Variants in AMBRA1 observed in about 807,000 individuals in gnomAD.
AMBRA1 encodes autophagy and beclin 1 regulator 1.
AMBRA1 carries 47 observed loss-of-function variants against 125.4 expected under a neutral mutation model. The observed-to-expected ratio is 0.37, with a 90% CI of 0.30 to 0.48. AMBRA1 has a LOEUF of 0.48. AMBRA1 is among the 20% of genes least tolerant of loss of function. AMBRA1 has a pLI of 0.99. For synonymous variants in AMBRA1, 626 were observed against 655.5 expected, an observed-to-expected ratio of 0.95 and a Z score of 0.69; for missense variants, 1,331 against 1,693.4, an observed-to-expected ratio of 0.79 and a Z score of 3.76.
At chr11:46,545,461 CAAA>C in intron 5 of AMBRA1, 140 bp downstream of exon 5, 1 of 835,364 alleles carries the variant, frequency 1.2e-6, no homozygotes, top group Non-Finnish European at 1.7e-6. Context: ...CACCCTGTCT[CAAA>C]AAAAAAATAG....
Position 46,545,601 on chromosome 11 carries a change from C to T in AMBRA1, c.551+3G>A. ...GACAATGCAGATGGGGCAGCGCACT[C>T]ACCGGACCCGTTCCATCTCACTAGC... On this transcript the variant is annotated splice_donor_region_variant and intron_variant, in intron 5 of 17. Transcript: ENST00000683756. 1 of 1,613,490 alleles carries T rather than the reference C, an allele frequency of 6.2e-7. No homozygotes were observed. The highest frequency in any genetic ancestry group is 8.5e-7 in the Non-Finnish European group (1 of 1,179,790).
chr11:46,465,554 G>A, intron 11 of AMBRA1, among the ~76,000 whole-genome samples: 1 of 152,096 alleles, frequency 6.6e-6, no homozygotes. Context: ...TAACTTTGGG[G>A]CTCAACAGGC....
intron 9 of AMBRA1, chr11:46,494,472 T>A (rs1388018049): frequency 5.7e-6 from 2 of 353,214 alleles, no homozygotes; most frequent in African/African-American, 4.0e-5. Context: ...CGTCTCAAAC[T>A]GAAGCCACAT....
intron 11 of AMBRA1, among the ~76,000 whole-genome samples, chr11:46,477,372 C>T (rs571534603): frequency 4.1e-4 from 62 of 150,342 alleles, no homozygotes; most frequent in Non-Finnish European, 7.1e-4. Context: ...GACTGGAGTG[C>T]AGTGATGTGA....
intron 1 of AMBRA1, among the ~76,000 whole-genome samples, chr11:46,585,696 ATATATATAT>A (rs1409697217): frequency 1.6e-3 from 25 of 16,098 alleles, no homozygotes; most frequent in Non-Finnish European, 2.3e-3. Context: ...AAAAAAAAAA[ATATATATAT>A]ATATATATAT....
At chr11:46,571,726 T>C (rs1005494716) in intron 1 of AMBRA1, among the ~76,000 whole-genome samples, 1 of 174 alleles carries the variant, frequency 5.7e-3, no homozygotes, top group Non-Finnish European at 0.015. Context: ...TGTCCCTCTG[T>C]CGCCCCAGGC....
chr11:46,512,353 T>C (rs1262117041), intron 8 of AMBRA1, among the ~76,000 whole-genome samples: 6 of 152,228 alleles, frequency 3.9e-5, no homozygotes, highest in African/African-American at 1.4e-4. Context: ...GTTTAATCTA[T>C]ACATAATTTC....
intron 1 of AMBRA1, among the ~76,000 whole-genome samples, chr11:46,592,248 T>A (rs573557455): frequency 2.6e-5 from 4 of 152,148 alleles, no homozygotes; most frequent in African/African-American, 9.6e-5. Context: ...TGAATTTTTT[T>A]TTTTCCAAGA....
rs1183437497 is a variant in AMBRA1 at position 46,542,442 on chromosome 11, G to A, written c.1575C>T (p.Pro525=). Residue 525 remains proline (P), a synonymous_variant, in exon 7 of 18, where the codon CCC becomes CCT. Coordinates refer to ENST00000683756, the MANE Select transcript of AMBRA1 (RefSeq NM_001387011.1). The surrounding 1 kb of genome is among the most constrained non-coding windows in gnomAD (Gnocchi z 5.9). ...GCATTTCCTGGGCCTGTTGGGTCTGGGGAGCTTCCCCACTCAGGCTCTGAT... is the reference window on the plus strand; with the variant it reads ...GCATTTCCTGGGCCTGTTGGGTCTGAGGAGCTTCCCCACTCAGGCTCTGAT... ...ELDQSLSGEA[P]QTQQAQEMLN... is the part of the protein sequence containing the mutation. 1.2e-6 allele frequency: 2 copies of A among 1,614,000 alleles called. No homozygotes were observed. Among genetic ancestry groups the A allele is most frequent in the African/African-American group, 1.3e-5 (1 of 75,000 alleles).
chr11:46,428,977 C>A (rs534124404), intron 14 of AMBRA1: 1 of 1,612,418 alleles, frequency 6.2e-7, no homozygotes, highest in East Asian at 2.2e-5. Flanking sequence ...ACTGTTCCTT[C>A]ACGTAGCCTC....
At chr11:46,498,470 AG>A (rs1176701659) in intron 9 of AMBRA1, among the ~76,000 whole-genome samples, 1 of 152,164 alleles carries the variant, frequency 6.6e-6, no homozygotes, top group Non-Finnish European at 1.5e-5. Flanking sequence ...GGGAAGGAGT[AG>A]GGGGAAAAAT....
chr11:46,576,174 AAAAGATTTAG>A (rs1391901825), intron 1 of AMBRA1, among the ~76,000 whole-genome samples: 1 of 152,214 alleles, frequency 6.6e-6, no homozygotes, highest in African/African-American at 2.4e-5. Flanking sequence ...GTGAAATCCA[AAAAGATTTAG>A]AATACTAATC....
At chr11:46,552,062 A>T (rs902760992) in intron 1 of AMBRA1, among the ~76,000 whole-genome samples, 1 of 150,476 alleles carries the variant, frequency 6.6e-6, no homozygotes, top group Non-Finnish European at 1.5e-5. Flanking sequence ...AATCAAAAAA[A>T]TAAATTAAAT....
At chr11:46,545,443 C>CA (rs1186009216) in intron 5 of AMBRA1, among the ~76,000 whole-genome samples, 161 bp downstream of exon 5, 1 of 151,978 alleles carries the variant, frequency 6.6e-6, no homozygotes, top group Non-Finnish European at 1.5e-5. Flanking sequence ...CCCTGGGTGA[C>CA]AGAGTGACAC....
At chr11:46,410,804 G>A (rs1946249858) in intron 15 of AMBRA1, among the ~76,000 whole-genome samples, 1 of 152,194 alleles carries the variant, frequency 6.6e-6, no homozygotes, top group African/African-American at 2.4e-5. Flanking sequence ...GCCTAGTCTT[G>A]AAAAGCAGAG....
chr11:46,578,441 C>T (rs937124117), intron 1 of AMBRA1, among the ~76,000 whole-genome samples: 11 of 149,762 alleles, frequency 7.3e-5, no homozygotes, highest in African/African-American at 2.7e-4. Context: ...GAGCCAAGAT[C>T]GCACCACTGC....
intron 7 of AMBRA1, among the ~76,000 whole-genome samples, chr11:46,520,495 T>C (rs1490761647): frequency 6.6e-6 from 1 of 152,014 alleles, no homozygotes; most frequent in Non-Finnish European, 1.5e-5. Context: ...TCCTCTTCCT[T>C]ATTACTGTCT....
chr11:46,469,868 T>A (rs1949504614), intron 11 of AMBRA1, among the ~76,000 whole-genome samples: 1 of 148,228 alleles, frequency 6.7e-6, no homozygotes, highest in South Asian at 2.1e-4. Flanking sequence ...GGTAGAGATA[T>A]GGTCTCACTA....
intron 11 of AMBRA1, among the ~76,000 whole-genome samples, chr11:46,477,257 T>C (rs143810037): frequency 6.6e-6 from 1 of 151,482 alleles, no homozygotes; most frequent in African/African-American, 2.4e-5. Flanking sequence ...CTAACTCTTA[T>C]CAGACAAAAA....
Sources: gnomAD v4.1 joint callset for allele counts (sites outside exome capture counted in the v4.1 genomes callset) on GRCh38, gnomAD v4.1.1 for gene constraint, Gnocchi (gnomAD v3.1) non-coding constraint, MANE v1.5 for transcripts, NCBI Gene and HGNC (gene_info 2026-07-23, HGNC 2026-07-21) for gene names.